LDB2: variants seen among roughly 807,000 people sequenced by gnomAD.
LDB2 encodes the protein LIM domain-binding protein 2.
In LDB2, 12 loss-of-function variants were observed where a neutral mutation model predicts 44.3. That is an observed-to-expected ratio of 0.27 (90% CI 0.17 to 0.44). The LOEUF is 0.44. Ranked by LOEUF, LDB2 falls within the 20% of genes least tolerant of loss-of-function variation. The probability of loss-of-function intolerance (pLI) is 1.00; values close to 1 mark genes in which losing one functional copy is unlikely to be tolerated. For synonymous variants in LDB2, 164 were observed against 174.8 expected, an observed-to-expected ratio of 0.94 and a Z score of 0.49; for missense variants, 344 against 473.5, an observed-to-expected ratio of 0.73 and a Z score of 2.54.
Position 16,557,523 on chromosome 4 carries a change from A to G in LDB2, c.615+28399T>C, listed in dbSNP as rs1740173528. Among the ~76,000 whole-genome samples, 4 of 152,336 alleles carry G rather than the reference A, an allele frequency of 2.6e-5. No homozygotes were observed. In the South Asian group the frequency reaches 8.3e-4, roughly 32 times the overall value. On this transcript the variant is annotated intron_variant, in intron 5 of 7. Transcript: ENST00000304523. The stretch of plus-strand genomic sequence containing the variant: ...CGAGGCTGGGGGAGGGGCGCCTGCC[A>G]TTGCCCAGGCTTGCTTAGGTAAACA...
intron 1 of LDB2, among the ~76,000 whole-genome samples, chr4:16,797,742 G>T (rs1368340655): frequency 6.6e-6 from 1 of 151,908 alleles, no homozygotes; most frequent in South Asian, 2.1e-4. Context: ...CTACTTAAGA[G>T]CTGTATAATC....
At chr4:16,870,076 C>T (rs911979850) in intron 1 of LDB2, among the ~76,000 whole-genome samples, 2 of 152,140 alleles carry the variant, frequency 1.3e-5, no homozygotes, top group Non-Finnish European at 2.9e-5. Context: ...TTGGAAGAAG[C>T]AGCCATTGTG....
intron 1 of LDB2, among the ~76,000 whole-genome samples, chr4:16,794,358 C>A (rs1034050696): frequency 6.6e-6 from 1 of 152,166 alleles, no homozygotes; most frequent in Non-Finnish European, 1.5e-5. Flanking sequence ...GGATGACCAC[C>A]TCAAGATGAC....
At chr4:16,607,667 T>G (rs1415878974) in intron 2 of LDB2, among the ~76,000 whole-genome samples, 1 of 152,252 alleles carries the variant, frequency 6.6e-6, no homozygotes, top group Non-Finnish European at 1.5e-5. Context: ...ACCCTGTTTA[T>G]GCACAGATTT....
chr4:16,629,008 C>G (rs984849376), intron 2 of LDB2, among the ~76,000 whole-genome samples: 2 of 152,230 alleles, frequency 1.3e-5, no homozygotes, highest in African/African-American at 4.8e-5. Context: ...GCTGCTAGTG[C>G]AGCAGTCCGT....
intron 2 of LDB2, among the ~76,000 whole-genome samples, chr4:16,638,371 G>A (rs972893258): frequency 1.3e-5 from 2 of 152,170 alleles, no homozygotes; most frequent in South Asian, 2.1e-4. Flanking sequence ...AGTAGCACAA[G>A]GGGGTCTGGA....
At chr4:16,756,047 A>G (rs1303038724) in intron 2 of LDB2, among the ~76,000 whole-genome samples, 2 of 152,218 alleles carry the variant, frequency 1.3e-5, no homozygotes, top group Non-Finnish European at 2.9e-5. Flanking sequence ...AAGAGGGTCA[A>G]TACTGAGGAG....
At chr4:16,610,397 G>A (rs1003419567) in intron 2 of LDB2, among the ~76,000 whole-genome samples, 1 of 152,078 alleles carries the variant, frequency 6.6e-6, no homozygotes, top group Non-Finnish European at 1.5e-5. Context: ...TTCAGAAGAT[G>A]GGTAATAAAA....
At chr4:16,747,139 G>C (rs964789278) in intron 2 of LDB2, among the ~76,000 whole-genome samples, 9 of 152,156 alleles carry the variant, frequency 5.9e-5, no homozygotes, top group African/African-American at 2.2e-4. Flanking sequence ...CTGCTTACTC[G>C]GGGCTGGTGG....
At chr4:16,598,000 T>G (rs1348518182) in intron 2 of LDB2, among the ~76,000 whole-genome samples, 2 of 152,182 alleles carry the variant, frequency 1.3e-5, no homozygotes, top group African/African-American at 4.8e-5. Flanking sequence ...CCTGTTTCCT[T>G]TGTGAGCCTG....
chr4:16,658,346 G>T (rs1472862289), intron 2 of LDB2, among the ~76,000 whole-genome samples: 2 of 152,200 alleles, frequency 1.3e-5, no homozygotes, highest in Non-Finnish European at 2.9e-5. Context: ...GTAGGTCTCT[G>T]CATCCTTGAG....
intron 2 of LDB2, chr4:16,726,273 C>G (rs895628620): frequency 1.3e-5 from 2 of 152,114 alleles, no homozygotes; most frequent in African/African-American, 4.8e-5. Context: ...TCAGCTTCAT[C>G]CCCTCACCTG....
At chr4:16,506,153 G>A in intron 7 of LDB2, 1 of 604,280 alleles carries the variant, frequency 1.7e-6, no homozygotes. Context: ...CAGTAGAATA[G>A]TGTTGATAAC....
intron 5 of LDB2, among the ~76,000 whole-genome samples, chr4:16,573,649 C>T (rs1464859368): frequency 1.3e-5 from 2 of 152,132 alleles, no homozygotes; most frequent in African/African-American, 4.8e-5. Flanking sequence ...GTATCCTGGG[C>T]ATTGAGTGAG....
chr4:16,709,766 T>C (rs1755454174), intron 2 of LDB2, among the ~76,000 whole-genome samples: 1 of 152,182 alleles, frequency 6.6e-6, no homozygotes. Context: ...TTCTGAAATA[T>C]CAGAGGATCT....
At chr4:16,853,144 T>C (rs568335225) in intron 1 of LDB2, among the ~76,000 whole-genome samples, 2 of 152,340 alleles carry the variant, frequency 1.3e-5, no homozygotes, top group East Asian at 3.9e-4. Context: ...GGCATGTTTT[T>C]TAATTTTTAA....
rs1716635787 is a variant in LDB2 at position 16,585,937 on chromosome 4, G to A, written c.600C>T (p.Thr200=). 8.7e-6 allele frequency: 14 copies of A among 1,613,008 alleles called. No homozygotes were observed. The East Asian group carries it at 2.0e-4, about 23-fold the overall frequency. ...NITRMGLTNF[T]LNYLRLCVIL... Reference sequence around the variant, plus strand: ...TTGATCTTACCCTGAGGTAGTTGAGGGTGAAGTTTGTTAGCCCCATCCTGG... The same window carrying A: ...TTGATCTTACCCTGAGGTAGTTGAGAGTGAAGTTTGTTAGCCCCATCCTGG... The change falls in exon 5 of 8, where the codon ACC becomes ACT. Residue 200 remains threonine, a synonymous_variant. Transcript: ENST00000304523.
intron 2 of LDB2, among the ~76,000 whole-genome samples, chr4:16,750,434 T>C (rs2109100394): frequency 6.6e-6 from 1 of 152,358 alleles, no homozygotes; most frequent in East Asian, 1.9e-4. Flanking sequence ...TGGACTTAAA[T>C]TCAGGCAGAC....
chr4:16,549,047 G>C (rs745574393), intron 5 of LDB2, among the ~76,000 whole-genome samples: 7 of 152,172 alleles, frequency 4.6e-5, no homozygotes, highest in Non-Finnish European at 8.8e-5. Context: ...GAAACCTGTA[G>C]GTCAGTTATG....
Sources: allele counts gnomAD v4.1 joint callset (sites outside exome capture counted in the v4.1 genomes callset), GRCh38; gene constraint gnomAD v4.1.1; transcripts MANE v1.5; gene names NCBI Gene and HGNC (gene_info 2026-07-23, HGNC 2026-07-21).